The following ASB2 variants were observed in gnomAD, a reference collection of about 807,000 sequenced individuals.
ASB2 encodes ankyrin repeat and SOCS box containing 2.
In ASB2, 58 loss-of-function variants were observed where a neutral mutation model predicts 62.4. The ratio of observed to expected loss-of-function variants is 0.93; its 90% CI spans 0.75 to 1.16. The LOEUF (loss-of-function observed/expected upper bound fraction) is 1.16, where lower values mean the gene tolerates loss of function less well. Among genes scored for constraint, ASB2 ranks in the 50% most tolerant of loss-of-function variants. The pLI is 0.00. For missense variants in ASB2, 928 were observed against 887.9 expected (o/e 1.05, Z -0.57); for synonymous variants, 386 against 385.3 (o/e 1.00, Z -0.02).
chr14:93,965,251 A>G (rs931040646), intron 1 of ASB2, among the ~76,000 whole-genome samples: 1 of 152,226 alleles, frequency 6.6e-6, no homozygotes, highest in African/African-American at 2.4e-5. Context: ...ACTCTGTGTC[A>G]GGCACTCTTC....
intron 1 of ASB2, among the ~76,000 whole-genome samples, chr14:93,969,329 G>A (rs565660491): frequency 1.3e-5 from 2 of 152,328 alleles, no homozygotes; most frequent in East Asian, 3.9e-4. Context: ...AAGTTATGAA[G>A]CAGCGTGTGG....
chr14:93,951,288 G>T, intron 5 of ASB2, 44 bp from the exon 6 acceptor site: 1 of 1,555,652 alleles, frequency 6.4e-7, no homozygotes, highest in Non-Finnish European at 8.7e-7. Context: ...GGCCTGGCAG[G>T]AACTGGCCAG....
At chr14:93,947,227 C>T (rs935055389) in intron 7 of ASB2, 122 bp downstream of exon 7, 20 of 1,066,666 alleles carry the variant, frequency 1.9e-5, no homozygotes, top group Non-Finnish European at 2.7e-5. Flanking sequence ...TCCATTCTGA[C>T]CTCTCCTGGG....
At chr14:93,975,515 C>T (rs1189813311) in intron 1 of ASB2, among the ~76,000 whole-genome samples, 1 of 152,166 alleles carries the variant, frequency 6.6e-6, no homozygotes, top group Non-Finnish European at 1.5e-5. Flanking sequence ...CTGGCTGTGT[C>T]CCTTCATATC....
chr14:93,960,000 T>C (rs1193010925), intron 2 of ASB2, among the ~76,000 whole-genome samples: 1 of 113,922 alleles, frequency 8.8e-6, no homozygotes, highest in African/African-American at 4.5e-5. Context: ...GCCCACCCCA[T>C]GCCACGAGTC....
At chr14:93,972,383 G>A (rs532701608) in intron 1 of ASB2, among the ~76,000 whole-genome samples, 3 of 152,076 alleles carry the variant, frequency 2.0e-5, no homozygotes, top group Non-Finnish European at 2.9e-5. Flanking sequence ...TTCCCTTCCC[G>A]GGTCCTGTTG....
At chr14:93,953,620 A>G in intron 4 of ASB2, 113 bp from the exon 5 acceptor site, 1 of 949,998 alleles carries the variant, frequency 1.1e-6, no homozygotes, top group Non-Finnish European at 1.5e-6. Flanking sequence ...ATCCTCTGAA[A>G]TTTACCAACT....
In ASB2 at chr14:93,962,107, C is replaced by CTTTTTTTTTT. The variant is rs35800977; in HGVS notation, c.206+2217_206+2226dup. On this transcript the variant is annotated intron_variant, in intron 2 of 9. Coordinates refer to ENST00000555019, the MANE Select transcript of ASB2 (RefSeq NM_001202429.2). ...GGGGAGAAGAATTTCATTAAACATT[C>CTTTTTTTTTT]TTTTTTTTTTTTTTTTTTTTTTTTT... Among the ~76,000 whole-genome samples, 34 of 73,018 alleles carry CTTTTTTTTTT rather than the reference C, an allele frequency of 4.7e-4. 2 individuals are homozygous for CTTTTTTTTTT. The highest frequency in any genetic ancestry group is 1.0e-3 in the East Asian group (2 of 1,950). The allele number at this position is 73,018 out of a possible 152,430, so 47.9% of individuals were successfully genotyped here.
intron 2 of ASB2, among the ~76,000 whole-genome samples, chr14:93,960,708 T>C (rs1889378224): frequency 6.6e-6 from 1 of 152,138 alleles, no homozygotes; most frequent in South Asian, 2.1e-4. Context: ...TCAAATTCTG[T>C]GCCTTACGTT....
Position 93,964,472 on chromosome 14 carries a change from C to G in ASB2, c.68G>C (p.Ser23Thr). The change falls in exon 2 of 10, where the codon AGC (serine) becomes ACC (threonine). Residue 23 changes from serine to threonine, a missense_variant. Transcript: ENST00000555019. ...TIGQEEYSLY[S>T]SLSEDELVQM... ...CACCAGTTCATCCTCGCTCAGGCTG[C>G]TGTACAGGCTGTACTCCTCCTGCCC... 1 of 1,536,144 alleles carries G rather than the reference C, an allele frequency of 6.5e-7. No individual in the cohort carries two copies.
chr14:93,936,618 G>T (rs899520608), intron 9 of ASB2, among the ~76,000 whole-genome samples: 9 of 152,254 alleles, frequency 5.9e-5, no homozygotes, highest in Admixed American at 2.0e-4. Flanking sequence ...GTGGCTTCCA[G>T]GCACCTGTGC....
At chr14:93,965,326 A>G (rs1415132632) in intron 1 of ASB2, among the ~76,000 whole-genome samples, 1 of 152,244 alleles carries the variant, frequency 6.6e-6, no homozygotes, top group Admixed American at 6.5e-5. Flanking sequence ...GAGCTTACAC[A>G]GGATTGCATA....
chr14:93,953,276 G>T, intron 5 of ASB2, 76 bp downstream of exon 5: 1 of 1,332,056 alleles, frequency 7.5e-7, no homozygotes. Flanking sequence ...GCACTTAACG[G>T]GAGCAACATT....
rs989604543 is a variant in ASB2 at position 93,957,010 on chromosome 14, G to A, written c.207-140C>T. The stretch of plus-strand genomic sequence containing the variant: ...AGACACAGGGCTCTGAACCAAAGCA[G>A]ATGGCCGGGTCCTCTGTGTGCTGGA... On this transcript the variant is annotated intron_variant, in intron 2 of 9. Transcript: ENST00000555019. 12 of 1,538,866 alleles carry A rather than the reference G, an allele frequency of 7.8e-6. No individual in the cohort carries two copies. The Admixed American group carries it at 2.3e-4, about 30-fold the overall frequency.
chr14:93,961,952 T>C (rs1262177833), intron 2 of ASB2, among the ~76,000 whole-genome samples: 2 of 152,170 alleles, frequency 1.3e-5, no homozygotes, highest in Non-Finnish European at 2.9e-5. Context: ...GTTCCATGCC[T>C]GGCCCTGCTG....
chr14:93,973,087 C>T (rs1427253178), intron 1 of ASB2, among the ~76,000 whole-genome samples: 7 of 152,166 alleles, frequency 4.6e-5, no homozygotes, highest in Admixed American at 2.0e-4. Flanking sequence ...GGCTGCAGGC[C>T]CCAGCTGACT....
chr14:93,946,929 C>T (rs866411709), intron 7 of ASB2, among the ~76,000 whole-genome samples: 5 of 152,306 alleles, frequency 3.3e-5, no homozygotes, highest in Middle Eastern at 6.8e-3. Context: ...GGATAGAATT[C>T]CTGTAGCTGT....
intron 1 of ASB2, among the ~76,000 whole-genome samples, chr14:93,975,348 C>T (rs530990560): frequency 1.4e-4 from 21 of 152,286 alleles, no homozygotes; most frequent in East Asian, 5.8e-4. Context: ...CCTGGCTTCC[C>T]GAAGAGCCAC....
intron 1 of ASB2, chr14:93,968,287 C>A (rs144543053): frequency 6.2e-4 from 95 of 152,372 alleles, no homozygotes; most frequent in African/African-American, 2.1e-3. Flanking sequence ...CATTACCTCA[C>A]ACAGCCCTGG....
Sources: allele counts gnomAD v4.1 joint callset (sites outside exome capture counted in the v4.1 genomes callset), GRCh38; gene constraint gnomAD v4.1.1; transcripts MANE v1.5; gene names NCBI Gene and HGNC (gene_info 2026-07-23, HGNC 2026-07-21).